PIP4P2: variants seen among roughly 807,000 people sequenced by gnomAD.
The protein encoded by PIP4P2 is phosphatidylinositol-4,5-bisphosphate 4-phosphatase 2.
Under a neutral mutation model 33.3 loss-of-function variants are expected in PIP4P2, and 19 were observed. The ratio of observed to expected loss-of-function variants is 0.57; its 90% CI spans 0.40 to 0.84. The LOEUF (loss-of-function observed/expected upper bound fraction) is 0.84. Among genes scored for constraint, PIP4P2 ranks in the 40% least tolerant of loss-of-function variants. The pLI is 0.00. For missense variants in PIP4P2, 270 were observed against 324.7 expected (o/e 0.83, Z 1.29); for synonymous variants, 110 against 111.9 (o/e 0.98, Z 0.11).
rs1453335236 is a variant in PIP4P2, at chr8:90,994,114, C to T, written c.*1563G>A. On this transcript the variant is annotated 3_prime_UTR_variant, in exon 7 of 7. Coordinates refer to ENST00000285419, the MANE Select transcript of PIP4P2 (RefSeq NM_018710.3). Reference sequence around the variant, plus strand: ...AGTGTATTACAAATGGATTTAAAAACTATATTTTAAAAATAAAACCATTTG... The same window carrying T: ...AGTGTATTACAAATGGATTTAAAAATTATATTTTAAAAATAAAACCATTTG... The T allele has an allele frequency of 6.6e-6, 1 of 151,986 alleles. No individual in the cohort carries two copies. The highest frequency in any genetic ancestry group is 1.9e-4 in the East Asian group (1 of 5,198). The allele number at this position is 151,986 out of a possible 1,614,324, so 9.4% of individuals were successfully genotyped here. A position where few individuals can be genotyped will look rare whatever the true frequency, so the allele number is the denominator to read the frequency against.
At chr8:90,998,614 C>T (rs1335126817) in intron 5 of PIP4P2, among the ~76,000 whole-genome samples, 2 of 151,812 alleles carry the variant, frequency 1.3e-5, no homozygotes, top group African/African-American at 2.4e-5. Flanking sequence ...CACTTACAAA[C>T]GTACAACTAT....
At chr8:91,020,302 A>G (rs756303057) in intron 2 of PIP4P2, 39 bp from the exon 3 acceptor site, 16 of 1,572,510 alleles carry the variant, frequency 1.0e-5, no homozygotes, top group Non-Finnish European at 1.3e-5. Flanking sequence ...GCAATTAACC[A>G]AAGTACAGAT....
intron 2 of PIP4P2, 45 bp downstream of exon 2, chr8:91,021,211 G>C (rs757240661): frequency 6.2e-7 from 1 of 1,604,176 alleles, no homozygotes; most frequent in African/African-American, 1.3e-5. Context: ...GGAATAAAAT[G>C]TCAAATAACA....
At chr8:91,023,878 G>A (rs1812045197) in intron 1 of PIP4P2, among the ~76,000 whole-genome samples, 1 of 151,842 alleles carries the variant, frequency 6.6e-6, no homozygotes, top group African/African-American at 2.4e-5. Context: ...CCAAGTATTA[G>A]GTTGCTGCAA....
intron 4 of PIP4P2, among the ~76,000 whole-genome samples, chr8:91,012,030 G>C (rs957418887): frequency 6.6e-6 from 1 of 151,860 alleles, no homozygotes; most frequent in Non-Finnish European, 1.5e-5. Flanking sequence ...TCTCAGGAGA[G>C]AGAGCTCATT....
chr8:91,029,889 C>T (rs1413711745), intron 1 of PIP4P2, among the ~76,000 whole-genome samples: 1 of 152,044 alleles, frequency 6.6e-6, no homozygotes, highest in African/African-American at 2.4e-5. Flanking sequence ...ATGGCGTGAA[C>T]CTGGGAGGCA....
At chr8:91,014,758 G>C (rs865939960) in intron 4 of PIP4P2, among the ~76,000 whole-genome samples, 2 of 142,652 alleles carry the variant, frequency 1.4e-5, no homozygotes, top group Non-Finnish European at 3.0e-5. Flanking sequence ...TTACCACAAA[G>C]ACACACACAC....
chr8:91,040,394 TCAC>T (rs58332755), intron 1 of PIP4P2, among the ~76,000 whole-genome samples: 1 of 149,664 alleles, frequency 6.7e-6, no homozygotes, highest in Non-Finnish European at 1.5e-5. Flanking sequence ...ACACACACCA[TCAC>T]CACCACCACC....
chr8:91,020,251 G>A lies in PIP4P2; in HGVS notation c.268C>T (p.Pro90Ser). ...VCNEATPIKN[P>S]PTGKKYVRCP... ...CTAACATATTTCTTGCCTGTTGGGG[G>A]GTTTTTGATTGGCTGGATAAGGGAA... Residue 90 changes from proline to serine, a missense_variant, in exon 3 of 7, where the codon CCC becomes TCC. Transcript: ENST00000285419. 6.2e-7 allele frequency: 1 copy of A among 1,613,626 alleles called. No individual in the cohort carries two copies. Among genetic ancestry groups the A allele is most frequent in the Non-Finnish European group, 8.5e-7 (1 of 1,179,734 alleles).
intron 2 of PIP4P2, among the ~76,000 whole-genome samples, chr8:91,020,928 T>C (rs1413198461): frequency 2.0e-5 from 3 of 152,204 alleles, no homozygotes; most frequent in Admixed American, 6.5e-5. Context: ...TATTTTCATT[T>C]TAATGAAAAC....
In PIP4P2 at chr8:91,035,551, C is replaced by A. The variant is rs553438585; in HGVS notation, c.106+5093G>T. On this transcript the variant is annotated intron_variant, in intron 1 of 6. Coordinates refer to ENST00000285419, the MANE Select transcript of PIP4P2 (RefSeq NM_018710.3). ...CATCTCCTGGTTTTTGTCACCTTGC[C>A]GGCAGCTACATTCACCTTCCTCTCC... Among the ~76,000 whole-genome samples the A allele has an allele frequency of 1.2e-4, 18 of 152,222 alleles. No individual in the cohort carries two copies. In the South Asian group the frequency reaches 3.3e-3, roughly 28 times the overall value.
At chr8:91,028,374 C>A (rs1812111485) in intron 1 of PIP4P2, among the ~76,000 whole-genome samples, 1 of 152,120 alleles carries the variant, frequency 6.6e-6, no homozygotes. Context: ...AGGCTATTTA[C>A]AAGGCTATTT....
At chr8:90,995,972 G>C in intron 6 of PIP4P2, 152 bp from the exon 7 acceptor site, 10 of 766,562 alleles carry the variant, frequency 1.3e-5, no homozygotes, top group Non-Finnish European at 2.0e-5. Flanking sequence ...TCTGTTGACT[G>C]CAACTGATAG....
At chr8:91,031,234 G>A (rs1812159026) in intron 1 of PIP4P2, among the ~76,000 whole-genome samples, 1 of 152,138 alleles carries the variant, frequency 6.6e-6, no homozygotes, top group South Asian at 2.1e-4. Flanking sequence ...AAATGCTTTT[G>A]TTACAAAACT....
At chr8:91,008,879 G>T in intron 4 of PIP4P2, 84 bp from the exon 5 acceptor site, 2 of 1,222,036 alleles carry the variant, frequency 1.6e-6, no homozygotes, top group Non-Finnish European at 2.3e-6. Flanking sequence ...TACTTTAAAT[G>T]TCATCAGGGA....
intron 5 of PIP4P2, among the ~76,000 whole-genome samples, chr8:91,003,615 C>T (rs552321778): frequency 1.3e-5 from 2 of 152,034 alleles, no homozygotes; most frequent in East Asian, 3.9e-4. Context: ...CTTGAAATGA[C>T]CATGAGATAT....
chr8:91,017,520 G>A (rs1811933836), intron 4 of PIP4P2, among the ~76,000 whole-genome samples: 1 of 152,140 alleles, frequency 6.6e-6, no homozygotes, highest in African/African-American at 2.4e-5. Context: ...CTAGGGGTCA[G>A]CTAGATGAGA....
At chr8:91,031,623 C>T (rs572032668) in intron 1 of PIP4P2, among the ~76,000 whole-genome samples, 18 of 152,212 alleles carry the variant, frequency 1.2e-4, no homozygotes, top group Admixed American at 7.2e-4. Flanking sequence ...GAATAAAATG[C>T]CCTAATCAAT....
chr8:91,034,704 C>T (rs911399806), intron 1 of PIP4P2, among the ~76,000 whole-genome samples: 2 of 152,070 alleles, frequency 1.3e-5, no homozygotes, highest in African/African-American at 2.4e-5. Flanking sequence ...AGTGGGTTTC[C>T]GAATCCTTGG....
Sources: allele counts gnomAD v4.1 joint callset (sites outside exome capture counted in the v4.1 genomes callset), GRCh38; gene constraint gnomAD v4.1.1; transcripts MANE v1.5; gene names NCBI Gene and HGNC (gene_info 2026-07-23, HGNC 2026-07-21).